ANK2: variants seen among roughly 807,000 people sequenced by gnomAD.
ANK2 encodes the protein ankyrin 2.
A neutral mutation model predicts 360.5 loss-of-function variants in ANK2; 83 were observed. The ratio of observed to expected loss-of-function variants is 0.23; its 90% confidence interval spans 0.19 to 0.28. The LOEUF (loss-of-function observed/expected upper bound fraction) is 0.28. Ranked by LOEUF, ANK2 falls within the 10% of genes least tolerant of loss-of-function variation. ANK2 has a pLI of 1.00. For synonymous variants in ANK2, 1,740 were observed against 1,759.5 expected (o/e 0.99, Z 0.28); for missense variants, 4,201 against 4,795.7 (o/e 0.88, Z 3.66).
chr4:113,309,997 T>C (rs567404951), intron 23 of ANK2, among the ~76,000 whole-genome samples: 52 of 152,342 alleles, frequency 3.4e-4, no homozygotes, highest in Admixed American at 1.1e-3. Context: ...TGCTGTGTCT[T>C]GCTCCTTCAG....
chr4:113,160,445 G>A (rs2097487569), intron 1 of ANK2: 2 of 268,664 alleles, frequency 7.4e-6, no homozygotes, highest in Non-Finnish European at 1.5e-5. Context: ...TATAAATTTT[G>A]CTAATCAAGG....
chr4:113,026,002 G>A (rs895152946), intron 2 of ANK2, among the ~76,000 whole-genome samples: 2 of 152,102 alleles, frequency 1.3e-5, no homozygotes, highest in African/African-American at 4.8e-5. Flanking sequence ...AATGAAACTG[G>A]TTGGGCCCAA....
In ANK2 at chr4:113,041,820, C is replaced by G. The variant is rs138875849; in HGVS notation, c.22-132596C>G. ...GTCAGTGTCTGGTGAGGGCCCAGGT[C>G]CACTTTCTGGTTTGCAGATGACTGT... On this transcript the variant is annotated intron_variant, in intron 2 of 30. Transcript: ENST00000503271. Among the ~76,000 whole-genome samples the G allele has an allele frequency of 1.0e-3, 157 of 152,200 alleles. 1 individual carries two copies. The highest frequency in any genetic ancestry group is 3.6e-3 in the African/African-American group (151 of 41,536).
chr4:112,893,715 GC>G (rs2080877782), intron 1 of ANK2, among the ~76,000 whole-genome samples: 1 of 152,110 alleles, frequency 6.6e-6, no homozygotes, highest in Non-Finnish European at 1.5e-5. Flanking sequence ...GGTCATGCAG[GC>G]CAGGTGCAGT....
intron 2 of ANK2, among the ~76,000 whole-genome samples, chr4:112,991,049 G>A (rs1419182224): frequency 1.3e-5 from 2 of 151,710 alleles, no homozygotes; most frequent in Non-Finnish European, 2.9e-5. Context: ...CAAGAGATGG[G>A]GACCATCCTG....
intron 2 of ANK2, among the ~76,000 whole-genome samples, chr4:112,976,988 C>G (rs2041652457): frequency 6.6e-6 from 1 of 152,156 alleles, no homozygotes; most frequent in Non-Finnish European, 1.5e-5. Context: ...CCCTGTTGAA[C>G]CAGATTTAAT....
At chr4:113,199,217 G>A (rs2098794546) in intron 4 of ANK2, 108 bp downstream of exon 4, 3 of 875,474 alleles carry the variant, frequency 3.4e-6, no homozygotes, top group Non-Finnish European at 5.4e-6. Flanking sequence ...TTTATTATAA[G>A]TGCTTTGTTA....
At chr4:113,190,279 G>T (rs374791133) in intron 2 of ANK2, among the ~76,000 whole-genome samples, 3 of 151,960 alleles carry the variant, frequency 2.0e-5, no homozygotes, top group African/African-American at 7.2e-5. Context: ...TAATTTTTTA[G>T]TTTTCATTTT....
chr4:112,843,354 C>T (rs1033252233), intron 1 of ANK2, among the ~76,000 whole-genome samples: 2 of 152,150 alleles, frequency 1.3e-5, no homozygotes, highest in African/African-American at 4.8e-5. Flanking sequence ...ACCCAAAGCT[C>T]CATTAAGATC....
rs200920714 is a variant in ANK2, at chr4:113,353,173, G to T, written c.4555G>T (p.Ala1519Ser). The T allele has an allele frequency of 2.8e-5, 45 of 1,613,892 alleles. No homozygotes were observed. Among genetic ancestry groups the T allele is most frequent in the South Asian group, 3.3e-5 (3 of 91,078 alleles). ...GAAACAAGATTTGATCAAAATGACCGCCATCTTGACCACAGATGTGTCTGA... is the reference window on the plus strand; with the variant it reads ...GAAACAAGATTTGATCAAAATGACCTCCATCTTGACCACAGATGTGTCTGA... ...EMKQDLIKMT[A>S]ILTTDVSDKA... The change falls in exon 38 of 46, where the codon GCC becomes TCC. Residue 1519 changes from alanine (A) to serine (S), a missense_variant. Coordinates refer to ENST00000357077, the MANE Select transcript of ANK2 (RefSeq NM_001148.6).
chr4:112,971,383 C>T (rs2039459416), intron 2 of ANK2, among the ~76,000 whole-genome samples: 1 of 152,218 alleles, frequency 6.6e-6, no homozygotes, highest in Non-Finnish European at 1.5e-5. Flanking sequence ...AAGCCCAGCA[C>T]TGCACTAAAA....
intron 2 of ANK2, among the ~76,000 whole-genome samples, chr4:113,010,514 C>A (rs1189303711): frequency 6.6e-6 from 1 of 152,084 alleles, no homozygotes; most frequent in African/African-American, 2.4e-5. Context: ...GTGAACAAGA[C>A]AGTTAAGGTC....
intron 1 of ANK2, among the ~76,000 whole-genome samples, chr4:112,887,712 T>C (rs2078817752): frequency 6.6e-6 from 1 of 152,244 alleles, no homozygotes; most frequent in East Asian, 1.9e-4. Context: ...ACTAAAGAGA[T>C]TGGTCTTCTT....
intron 41 of ANK2, 48 bp downstream of exon 41, chr4:113,365,230 TG>T (rs1384724638): frequency 3.2e-6 from 5 of 1,572,832 alleles, no homozygotes; most frequent in Non-Finnish European, 4.3e-6. Context: ...TGTGTGTGTG[TG>T]TTGTGTCTGT....
At chr4:113,277,768 CAAAT>C (rs1306165282) in intron 15 of ANK2, 65 bp from the exon 16 acceptor site, 9 of 1,319,616 alleles carry the variant, frequency 6.8e-6, no homozygotes, top group Admixed American at 3.4e-5. Context: ...AATATGTTAA[CAAAT>C]AAAAAGATTT....
intron 31 of ANK2, among the ~76,000 whole-genome samples, chr4:113,337,754 A>T (rs951782036): frequency 6.6e-6 from 1 of 152,170 alleles, no homozygotes; most frequent in Non-Finnish European, 1.5e-5. Context: ...GGGGGAAATC[A>T]TATGCTTCAC....
chr4:113,207,968 T>C (rs1272155294), intron 4 of ANK2, among the ~76,000 whole-genome samples: 2 of 152,092 alleles, frequency 1.3e-5, no homozygotes, highest in East Asian at 3.9e-4. Context: ...AATACAATCA[T>C]ACATGCAAGA....
rs546600371 is a variant in ANK2, at chr4:113,341,968, A to C, written c.4122+52A>C. On this transcript the variant is annotated intron_variant, in intron 33 of 45. Transcript: ENST00000357077. The stretch of plus-strand genomic sequence containing the variant: ...ATTTATGCCATGTTGTTATACCTGC[A>C]TTAATAGATTACATTTCAAATATCA... The C allele has an allele frequency of 3.7e-6, 5 of 1,342,998 alleles. No homozygotes were observed. In the Admixed American group the frequency reaches 6.8e-5, roughly 18 times the overall value. The allele number at this position is 1,342,998 out of a possible 1,614,324, so 83.2% of individuals were successfully genotyped here.
chr4:113,189,268 C>T (rs1176547791), intron 2 of ANK2, among the ~76,000 whole-genome samples: 5 of 152,194 alleles, frequency 3.3e-5, no homozygotes, highest in Non-Finnish European at 7.3e-5. Context: ...TTAGAAGACT[C>T]TTCAAAGCTT....
Sources: gnomAD v4.1 joint callset for allele counts (sites outside exome capture counted in the v4.1 genomes callset) on GRCh38, gnomAD v4.1.1 for gene constraint, MANE v1.5 for transcripts, NCBI Gene and HGNC (gene_info 2026-07-23, HGNC 2026-07-21) for gene names.